FHIT: variants seen among roughly 807,000 people sequenced by gnomAD.
The protein encoded by FHIT is fragile histidine triad diadenosine triphosphatase.
FHIT carries 19 observed loss-of-function variants against 17.9 expected under a neutral mutation model. The observed-to-expected ratio is 1.06, with a 90% CI of 0.74 to 1.56. The LOEUF is 1.56. Ranked by LOEUF, FHIT falls within the 40% of genes most tolerant of loss-of-function variation. The pLI is 0.00. For synonymous variants in FHIT, 81 were observed against 69.7 expected (o/e 1.16, Z -0.81); for missense variants, 248 against 189.2 (o/e 1.31, Z -1.82).
intron 8 of FHIT, among the ~76,000 whole-genome samples, chr3:59,801,017 G>A (rs1403005201): frequency 6.6e-6 from 1 of 152,162 alleles, no homozygotes; most frequent in Non-Finnish European, 1.5e-5. Flanking sequence ...AATTGGGTAG[G>A]GAAAGATCTT....
In FHIT at chr3:59,747,981, T is replaced by C. The variant is rs1700694424; in HGVS notation, c.*1604A>G. Among the ~76,000 whole-genome samples the C allele has an allele frequency of 6.6e-6, 1 of 152,172 alleles. No individual in the cohort carries two copies. The highest frequency in any genetic ancestry group is 1.5e-5 in the Non-Finnish European group (1 of 68,032). The stretch of plus-strand genomic sequence containing the variant: ...TCTCTCAGTAGGTTATTCTCTTTAA[T>C]CCTTCTGAATATGCCAAATGGAGAG... On this transcript the variant is annotated 3_prime_UTR_variant, in exon 10 of 10. Transcript: ENST00000492590.
intron 5 of FHIT, among the ~76,000 whole-genome samples, chr3:60,313,194 T>C (rs770967101): frequency 6.6e-6 from 1 of 152,238 alleles, no homozygotes; most frequent in Non-Finnish European, 1.5e-5. Flanking sequence ...AAACATTACA[T>C]ATGATATAAA....
intron 2 of FHIT, among the ~76,000 whole-genome samples, chr3:61,152,181 C>T (rs1316338485): frequency 6.6e-6 from 1 of 152,012 alleles, no homozygotes; most frequent in East Asian, 1.9e-4. Context: ...TGAAACTTAA[C>T]GAATGGGTAA....
At chr3:61,095,736 G>A (rs938049376) in intron 2 of FHIT, among the ~76,000 whole-genome samples, 1 of 152,028 alleles carries the variant, frequency 6.6e-6, no homozygotes, top group Non-Finnish European at 1.5e-5. Context: ...CTTTTTCGCT[G>A]CCACCACATT....
At chr3:60,517,169 T>C (rs1416472611) in intron 5 of FHIT, among the ~76,000 whole-genome samples, 1 of 152,214 alleles carries the variant, frequency 6.6e-6, no homozygotes, top group Non-Finnish European at 1.5e-5. Flanking sequence ...GTTAATGTTA[T>C]TTTAGGGTTA....
At chr3:60,231,152 T>A (rs752365731) in intron 5 of FHIT, among the ~76,000 whole-genome samples, 7 of 152,202 alleles carry the variant, frequency 4.6e-5, no homozygotes, top group Non-Finnish European at 1.0e-4. Context: ...ATTTGTGAAA[T>A]GGGAGGAAAA....
At chr3:60,819,614 G>T (rs1350116635) in intron 4 of FHIT, among the ~76,000 whole-genome samples, 1 of 152,098 alleles carries the variant, frequency 6.6e-6, no homozygotes, top group Non-Finnish European at 1.5e-5. Context: ...AATCATTATG[G>T]CTTCCACTTC....
In FHIT at chr3:60,689,084, A is replaced by G. The variant is rs562272328; in HGVS notation, c.-18+132835T>C. On this transcript the variant is annotated intron_variant, in intron 4 of 9. Transcript: ENST00000492590. ...TCTCATGCTGTTCTCCTGATAGTGA[A>G]TAAGTCTCACAAGATCTGATGGTTT... Among the ~76,000 whole-genome samples, 6 of 152,270 alleles carry G rather than the reference A, an allele frequency of 3.9e-5. 1 individual carries two copies. Among genetic ancestry groups the G allele is most frequent in the Admixed American group, 3.9e-4 (6 of 15,290 alleles).
At chr3:60,289,032 AT>A (rs1707859202) in intron 5 of FHIT, among the ~76,000 whole-genome samples, 1 of 152,154 alleles carries the variant, frequency 6.6e-6, no homozygotes, top group Non-Finnish European at 1.5e-5. Flanking sequence ...TGAAGATATC[AT>A]TTTTTTAATC....
chr3:61,066,960 C>T (rs1281215661), intron 2 of FHIT, among the ~76,000 whole-genome samples: 2 of 152,194 alleles, frequency 1.3e-5, no homozygotes, highest in African/African-American at 2.4e-5. Flanking sequence ...TGGCAACCCA[C>T]CAATTGGTTA....
chr3:61,182,089 C>A (rs1008353553), intron 2 of FHIT, among the ~76,000 whole-genome samples: 15 of 152,104 alleles, frequency 9.9e-5, no homozygotes, highest in East Asian at 5.8e-4. Context: ...TGAAGTGTAA[C>A]CATTAACTGA....
chr3:60,352,540 C>A (rs1454317459), intron 5 of FHIT, among the ~76,000 whole-genome samples: 5 of 152,122 alleles, frequency 3.3e-5, no homozygotes, highest in Non-Finnish European at 7.4e-5. Context: ...CTTACTCTGT[C>A]ATTCAGGCTA....
At chr3:60,156,576 T>C (rs755413919) in intron 5 of FHIT, among the ~76,000 whole-genome samples, 3 of 151,038 alleles carry the variant, frequency 2.0e-5, no homozygotes, top group East Asian at 4.0e-4. Flanking sequence ...TAGTGAGATC[T>C]TGTCTCTATA....
chr3:60,584,991 C>T (rs1271906494), intron 4 of FHIT, among the ~76,000 whole-genome samples: 1 of 151,944 alleles, frequency 6.6e-6, no homozygotes, highest in Non-Finnish European at 1.5e-5. Context: ...GCATTTGCTG[C>T]CTTCATCTTA....
chr3:60,699,323 T>A (rs1474020976), intron 4 of FHIT, among the ~76,000 whole-genome samples: 1 of 152,206 alleles, frequency 6.6e-6, no homozygotes, highest in Non-Finnish European at 1.5e-5. Flanking sequence ...GTTAATATTG[T>A]CAATCTGCCT....
intron 5 of FHIT, among the ~76,000 whole-genome samples, chr3:60,273,514 G>C (rs1706970849): frequency 1.3e-5 from 2 of 152,182 alleles, no homozygotes; most frequent in Admixed American, 1.3e-4. Context: ...GGAGGCTGAG[G>C]GGGAGAATTG....
At chr3:60,146,387 A>C (rs186805564) in intron 5 of FHIT, among the ~76,000 whole-genome samples, 1 of 152,168 alleles carries the variant, frequency 6.6e-6, no homozygotes, top group East Asian at 1.9e-4. Context: ...CATCCCCAGC[A>C]TGATACTAGA....
chr3:60,207,142 T>A (rs1703233464), intron 5 of FHIT, among the ~76,000 whole-genome samples: 1 of 151,302 alleles, frequency 6.6e-6, no homozygotes, highest in Admixed American at 6.6e-5. Flanking sequence ...TCAAATGTGT[T>A]AAATAAGTAG....
intron 4 of FHIT, among the ~76,000 whole-genome samples, chr3:60,735,609 T>A (rs1553712379): frequency 6.6e-6 from 1 of 152,198 alleles, no homozygotes; most frequent in Admixed American, 6.5e-5. Flanking sequence ...AGTGAGACCA[T>A]GCCTATGCGT....
Sources: allele counts gnomAD v4.1 joint callset (sites outside exome capture counted in the v4.1 genomes callset), GRCh38; gene constraint gnomAD v4.1.1; transcripts MANE v1.5; gene names NCBI Gene and HGNC (gene_info 2026-07-23, HGNC 2026-07-21).